The following FAT3 variants were observed in gnomAD, a reference collection of about 807,000 sequenced individuals.
FAT3 encodes the protein FAT atypical cadherin 3, also known as protocadherin Fat 3.
Under a neutral mutation model 310.2 loss-of-function variants are expected in FAT3, and 95 were observed. The ratio of observed to expected loss-of-function variants is 0.31; its 90% CI spans 0.26 to 0.36. FAT3 has a LOEUF of 0.36. FAT3 is among the 10% of genes least tolerant of loss of function. The pLI is 1.00. For synonymous variants in FAT3, 2,314 were observed against 2,192.9 expected (o/e 1.06, Z -1.54); for missense variants, 5,408 against 5,715.6 (o/e 0.95, Z 1.74).
chr11:92,826,378 A>G (rs533060967), intron 13 of FAT3, among the ~76,000 whole-genome samples: 1 of 152,346 alleles, frequency 6.6e-6, no homozygotes, highest in South Asian at 2.1e-4. Context: ...AGCACTGATG[A>G]ATACGTATTA....
chr11:92,880,384 G>A (rs1273181070), intron 22 of FAT3, among the ~76,000 whole-genome samples: 1 of 150,816 alleles, frequency 6.6e-6, no homozygotes, highest in Non-Finnish European at 1.5e-5. Flanking sequence ...ACTCCTGTCT[G>A]GAGGCATCTG....
At chr11:92,719,878 G>A (rs1419147903) in intron 4 of FAT3, among the ~76,000 whole-genome samples, 3 of 152,048 alleles carry the variant, frequency 2.0e-5, no homozygotes, top group Non-Finnish European at 4.4e-5. Flanking sequence ...AGACTGTTCC[G>A]TTGCCCTTCC....
intron 4 of FAT3, among the ~76,000 whole-genome samples, chr11:92,744,115 A>T (rs1307782819): frequency 6.6e-6 from 1 of 152,216 alleles, no homozygotes; most frequent in Non-Finnish European, 1.5e-5. Context: ...TCAATGACTG[A>T]TGAGATGTTG....
chr11:92,808,546 T>G (rs1035650563), intron 12 of FAT3, among the ~76,000 whole-genome samples: 4 of 152,152 alleles, frequency 2.6e-5, no homozygotes, highest in African/African-American at 9.7e-5. Context: ...GGATGCTTTT[T>G]GAGTAGGAGA....
Position 92,891,965 on chromosome 11 carries a change from A to G in FAT3, c.*852A>G, listed in dbSNP as rs1949925715. ...GCTTTGTTCATATAGCTTCTCTACAATTAGATATTTTTAGAAGTTTAAGCA... is the reference window on the plus strand; with the variant it reads ...GCTTTGTTCATATAGCTTCTCTACAGTTAGATATTTTTAGAAGTTTAAGCA... On this transcript the variant is annotated 3_prime_UTR_variant, in exon 28 of 28. Coordinates refer to ENST00000525166, the MANE Select transcript of FAT3 (RefSeq NM_001367949.2). 1 of 152,198 alleles carries G rather than the reference A, an allele frequency of 6.6e-6. No individual in the cohort carries two copies. Among genetic ancestry groups the G allele is most frequent in the African/African-American group, 2.4e-5 (1 of 41,446 alleles). 9.4% of individuals were successfully genotyped at this position (152,198 alleles called of 1,614,324 possible). A position where few individuals can be genotyped will look rare whatever the true frequency, so the allele number is the denominator to read the frequency against.
intron 9 of FAT3, among the ~76,000 whole-genome samples, chr11:92,795,952 T>C (rs2136171560): frequency 6.6e-6 from 1 of 152,156 alleles, no homozygotes; most frequent in East Asian, 1.9e-4. Context: ...GCTGGCTCCC[T>C]GCCATCCCCA....
intron 3 of FAT3, among the ~76,000 whole-genome samples, chr11:92,679,841 C>CAAAAAAAAAAAA (rs71064721): frequency 5.2e-5 from 3 of 57,260 alleles, no homozygotes; most frequent in Non-Finnish European, 6.6e-5. Flanking sequence ...GACTCCATCT[C>CAAAAAAAAAAAA]AAAAAAAAAA....
chr11:92,888,349 A>C (rs1022841090), intron 25 of FAT3, among the ~76,000 whole-genome samples: 1 of 152,158 alleles, frequency 6.6e-6, no homozygotes, highest in Non-Finnish European at 1.5e-5. Context: ...TGCACTTTAT[A>C]TAGAAATACC....
At chr11:92,634,423 G>A (rs1330000314) in intron 3 of FAT3, among the ~76,000 whole-genome samples, 2 of 152,196 alleles carry the variant, frequency 1.3e-5, no homozygotes, top group African/African-American at 4.8e-5. Context: ...AGCCAGACAG[G>A]ATTTTGTTCA....
rs778237959 is a variant in FAT3, at chr11:92,368,833, C to CATATATATATATATATATATATATAT, written c.3292+13444_3292+13445insTATATATATATATATATATATATATA. On this transcript the variant is annotated intron_variant, in intron 2 of 27. Coordinates refer to ENST00000525166, the MANE Select transcript of FAT3 (RefSeq NM_001367949.2). Reference sequence around the variant, plus strand: ...TAACAACAGTATGTTTGTGTGTATACATATATATATATATACACACATACA... The same window carrying CATATATATATATATATATATATATAT: ...TAACAACAGTATGTTTGTGTGTATACATATATATATATATATATATATATATATATATATATATATACACACATACA... Among the ~76,000 whole-genome samples, 631 of 140,690 alleles carry CATATATATATATATATATATATATAT rather than the reference C, an allele frequency of 4.5e-3. 8 individuals carry two copies. Among genetic ancestry groups the CATATATATATATATATATATATATAT allele is most frequent in the African/African-American group, 8.0e-3 (277 of 34,642 alleles). 92.3% of individuals were successfully genotyped at this position (140,690 alleles called of 152,430 possible). A position where few individuals can be genotyped will look rare whatever the true frequency, so the allele number is the denominator to read the frequency against.
intron 4 of FAT3, among the ~76,000 whole-genome samples, chr11:92,759,090 A>G (rs922332258): frequency 1.3e-5 from 2 of 152,196 alleles, no homozygotes; most frequent in Non-Finnish European, 2.9e-5. Context: ...TAGGTAGTAG[A>G]TGAAACCATG....
chr11:92,379,716 T>A (rs1256132863), intron 2 of FAT3, among the ~76,000 whole-genome samples: 1 of 152,192 alleles, frequency 6.6e-6, no homozygotes, highest in African/African-American at 2.4e-5. Flanking sequence ...ATCAAAAACA[T>A]CATTAAGTAC....
chr11:92,789,294 G>A (rs1191536593), intron 7 of FAT3, among the ~76,000 whole-genome samples: 1 of 152,144 alleles, frequency 6.6e-6, no homozygotes, highest in African/African-American at 2.4e-5. Context: ...AAAGCTGAGT[G>A]ATACATACTT....
chr11:92,481,882 T>G (rs1407497472), intron 2 of FAT3, among the ~76,000 whole-genome samples: 1 of 152,240 alleles, frequency 6.6e-6, no homozygotes, highest in East Asian at 1.9e-4. Flanking sequence ...TAAAAATTAT[T>G]GTTATAAAAT....
chr11:92,423,985 C>G (rs749205727), intron 2 of FAT3, among the ~76,000 whole-genome samples: 42 of 152,132 alleles, frequency 2.8e-4, no homozygotes, highest in Admixed American at 7.2e-4. Context: ...GTCTCATGGC[C>G]TAGCCAAATT....
intron 13 of FAT3, among the ~76,000 whole-genome samples, chr11:92,826,383 G>A (rs189722603): frequency 1.4e-3 from 216 of 152,296 alleles, no homozygotes; most frequent in African/African-American, 4.0e-3. Context: ...TGATGAATAC[G>A]TATTAATAAA....
At position 92,491,094 on chromosome 11, in the gene FAT3, A is replaced by G. The variant is rs148878236; in HGVS notation, c.3293-33540A>G. ...TTCTTTCAAATCTTAACGTTTCCCT[A>G]TGTTAGCAGAGAAAAATGGGATTAG... On this transcript the variant is annotated intron_variant, in intron 2 of 27. Coordinates refer to ENST00000525166, the MANE Select transcript of FAT3 (RefSeq NM_001367949.2). Among the ~76,000 whole-genome samples the G allele has an allele frequency of 1.7e-3, 255 of 152,148 alleles. 1 individual carries two copies. The highest frequency in any genetic ancestry group is 5.9e-3 in the African/African-American group (245 of 41,532).
Position 92,352,466 on chromosome 11 carries a change from T to C in FAT3, c.354T>C (p.Asn118=), listed in dbSNP as rs762980740. ...RTKGGNSAIL[N]REIQDNYLLI... ...AAGGTGGCAATTCTGCCATATTAAA[T>C]AGGGAAATCCAGGATAATTATTTAT... The change falls in exon 2 of 28, where the codon AAT becomes AAC. Residue 118 remains asparagine, a synonymous_variant. Transcript: ENST00000525166. The C allele has an allele frequency of 6.8e-6, 11 of 1,612,528 alleles. No homozygotes were observed. The highest frequency in any genetic ancestry group is 8.5e-6 in the Non-Finnish European group (10 of 1,179,608).
At chr11:92,573,766 C>A (rs540878869) in intron 3 of FAT3, among the ~76,000 whole-genome samples, 1 of 152,070 alleles carries the variant, frequency 6.6e-6, no homozygotes, top group Non-Finnish European at 1.5e-5. Context: ...GGGACAGATT[C>A]TCCCTCAGAG....
Sources: gnomAD v4.1 joint callset for allele counts (sites outside exome capture counted in the v4.1 genomes callset) on GRCh38, gnomAD v4.1.1 for gene constraint, MANE v1.5 for transcripts, NCBI Gene and HGNC (gene_info 2026-07-23, HGNC 2026-07-21) for gene names.